KCNQ1: variants seen among roughly 807,000 people sequenced by gnomAD.
The protein encoded by KCNQ1 is potassium voltage-gated channel subfamily Q member 1, also known as potassium voltage-gated channel subfamily KQT member 1.
In KCNQ1, 49 loss-of-function variants were observed where a neutral mutation model predicts 72.4. The ratio of observed to expected loss-of-function variants is 0.68; its 90% confidence interval spans 0.54 to 0.86. The LOEUF is 0.86. KCNQ1 is among the 40% of genes least tolerant of loss of function. The pLI is 0.00. For missense variants in KCNQ1, 790 were observed against 945.1 expected (o/e 0.84, Z 2.15); for synonymous variants, 450 against 412.6 (o/e 1.09, Z -1.10).
chr11:2,523,244 A>G (rs1346238708), intron 1 of KCNQ1, among the ~76,000 whole-genome samples: 1 of 150,656 alleles, frequency 6.6e-6, no homozygotes. Context: ...CCCAGGCTGG[A>G]GTGCAGTGGC....
At chr11:2,570,177 G>T (rs1210501628) in intron 2 of KCNQ1, among the ~76,000 whole-genome samples, 1 of 140,840 alleles carries the variant, frequency 7.1e-6, no homozygotes, top group African/African-American at 3.3e-5. Flanking sequence ...GGTTCCTGGT[G>T]TGGGGCCCCC....
intron 1 of KCNQ1, 75 bp from the exon 2 acceptor site, chr11:2,527,853 G>A (rs1017810931): frequency 8.9e-6 from 12 of 1,350,480 alleles, no homozygotes; most frequent in Middle Eastern, 1.8e-4. Context: ...GAGGCCAGGG[G>A]CCCCTCCACT....
chr11:2,465,025 C>T (rs1251175319), intron 1 of KCNQ1, among the ~76,000 whole-genome samples: 2 of 152,218 alleles, frequency 1.3e-5, no homozygotes, highest in Non-Finnish European at 2.9e-5. Flanking sequence ...TGTTTCCTTT[C>T]CCCCATCTGT....
chr11:2,823,560 G>A (rs1847782323), intron 15 of KCNQ1, among the ~76,000 whole-genome samples: 1 of 152,208 alleles, frequency 6.6e-6, no homozygotes, highest in African/African-American at 2.4e-5. Context: ...CCCAGCAGCT[G>A]GCTCAGGGCT....
chr11:2,761,018 G>T (rs190845963), intron 11 of KCNQ1, among the ~76,000 whole-genome samples: 1 of 152,352 alleles, frequency 6.6e-6, no homozygotes, highest in East Asian at 1.9e-4. Context: ...TACGGCAAGG[G>T]CAGAGGTCTT....
Position 2,698,569 on chromosome 11 carries a change from T to G in KCNQ1, c.1514+36488T>G, listed in dbSNP as rs940048387. ...TTTACTTCGCCCCCTAATTCCTGAC[T>G]CAGAATCCCCACCTAGAGGCAGAAC... On this transcript the variant is annotated intron_variant, in intron 11 of 15. Transcript: ENST00000155840. This position sits in a 1 kb window ranked among gnomAD's most constrained non-coding sequence, Gnocchi z 5.1. 4 of 397,778 alleles carry G rather than the reference T, an allele frequency of 1.0e-5. No homozygotes were observed. Among genetic ancestry groups the G allele is most frequent in the African/African-American group, 2.1e-5 (1 of 48,262 alleles). 24.6% of individuals were successfully genotyped at this position (397,778 alleles called of 1,614,324 possible).
chr11:2,553,169 T>G (rs571925969), intron 2 of KCNQ1, among the ~76,000 whole-genome samples: 283 of 141,454 alleles, frequency 2.0e-3, no homozygotes, highest in African/African-American at 7.2e-3. Context: ...TTTGTTTTTT[T>G]TTTTTTTGTT....
rs1315100672 is a variant in KCNQ1 at position 2,493,403 on chromosome 11, T to C, written c.387-34525T>C. 1.3e-5 allele frequency among the ~76,000 whole-genome samples: 2 copies of C among 152,188 alleles called. No homozygotes were observed. The highest frequency in any genetic ancestry group is 4.8e-5 in the African/African-American group (2 of 41,456). On this transcript the variant is annotated intron_variant, in intron 1 of 15. Coordinates refer to ENST00000155840, the MANE Select transcript of KCNQ1 (RefSeq NM_000218.3). The surrounding 1 kb of genome is among the most constrained non-coding windows in gnomAD (Gnocchi z 5.3). ...GCTTTTGTTGCAATTGCTCTTGGTG[T>C]TTTAGTCATGAAGTCCTTGCCCATG...
rs889308184 is a variant in KCNQ1, at chr11:2,826,623, G to C, written c.1795-21144G>C. Among the ~76,000 whole-genome samples, 2 of 152,210 alleles carry C rather than the reference G, an allele frequency of 1.3e-5. No individual in the cohort carries two copies. The highest frequency in any genetic ancestry group is 4.8e-5 in the African/African-American group (2 of 41,446). ...CCCTGGATTGGCTGTGGCACAAGAGGGCTGGCCCAGCACACCCAGCCCACC... is the reference window on the plus strand; with the variant it reads ...CCCTGGATTGGCTGTGGCACAAGAGCGCTGGCCCAGCACACCCAGCCCACC... On this transcript the variant is annotated intron_variant, in intron 15 of 15. Transcript: ENST00000155840. The surrounding 1 kb of genome is among the most constrained non-coding windows in gnomAD (Gnocchi z 4.2).
chr11:2,786,286 G>C (rs1295809729), intron 15 of KCNQ1, among the ~76,000 whole-genome samples: 1 of 152,084 alleles, frequency 6.6e-6, no homozygotes, highest in Non-Finnish European at 1.5e-5. Context: ...GGCTTCCACT[G>C]TTACCGTTGA....
rs888504278 is a variant in KCNQ1, at chr11:2,735,881, T to G, written c.1515-32963T>G. ...AGGGCTCACCCTTATACCCCCATTCTGCTTTAATTACTTCTTATAAGACCC... is the reference window on the plus strand; with the variant it reads ...AGGGCTCACCCTTATACCCCCATTCGGCTTTAATTACTTCTTATAAGACCC... On this transcript the variant is annotated intron_variant, in intron 11 of 15. Transcript: ENST00000155840. This position sits in a 1 kb window ranked among gnomAD's most constrained non-coding sequence, Gnocchi z 7.7. 6.6e-6 allele frequency among the ~76,000 whole-genome samples: 1 copy of G among 152,212 alleles called. No homozygotes were observed. The highest frequency in any genetic ancestry group is 1.5e-5 in the Non-Finnish European group (1 of 68,040).
In KCNQ1 at chr11:2,678,976, C is replaced by CT. The variant is rs961164022; in HGVS notation, c.1514+16896dup. 2 of 398,416 alleles carry CT rather than the reference C, an allele frequency of 5.0e-6. No individual in the cohort carries two copies. The highest frequency in any genetic ancestry group is 4.1e-5 in the African/African-American group (2 of 48,572). The allele number at this position is 398,416 out of a possible 1,614,324, so 24.7% of individuals were successfully genotyped here. ...ATAGAGAACAAAAGAGCAAATAGGC[C>CT]TAATTCAAGAATTTTTAAAAACCCG... On this transcript the variant is annotated intron_variant, in intron 11 of 15. Coordinates refer to ENST00000155840, the MANE Select transcript of KCNQ1 (RefSeq NM_000218.3). This position sits in a 1 kb window ranked among gnomAD's most constrained non-coding sequence, Gnocchi z 4.9.
chr11:2,500,876 G>C (rs1336262594), intron 1 of KCNQ1, among the ~76,000 whole-genome samples: 1 of 126,792 alleles, frequency 7.9e-6, no homozygotes, highest in Non-Finnish European at 1.7e-5. Flanking sequence ...GTCTGTTGGG[G>C]GGTGGGGGCA....
At chr11:2,701,782 A>G (rs188121383) in intron 11 of KCNQ1, among the ~76,000 whole-genome samples, 138 of 152,234 alleles carry the variant, frequency 9.1e-4, no homozygotes, top group African/African-American at 3.1e-3. Context: ...AGTGACCACT[A>G]TTATTCTCTG....
chr11:2,726,083 C>T (rs978743989), intron 11 of KCNQ1, among the ~76,000 whole-genome samples: 2 of 152,290 alleles, frequency 1.3e-5, no homozygotes, highest in Admixed American at 6.5e-5. Context: ...ACAGAGCCAC[C>T]TCTGCGTGGG....
intron 1 of KCNQ1, among the ~76,000 whole-genome samples, chr11:2,505,197 ATT>A (rs1847083125): frequency 6.6e-6 from 1 of 151,964 alleles, no homozygotes; most frequent in Admixed American, 6.6e-5. Context: ...TTAACTATTT[ATT>A]CTGATGCTCT....
chr11:2,701,032 A>C (rs1176345199), intron 11 of KCNQ1, among the ~76,000 whole-genome samples: 1 of 152,138 alleles, frequency 6.6e-6, no homozygotes, highest in Non-Finnish European at 1.5e-5. Context: ...TGTTCTCGAA[A>C]GTTGTTACAA....
At chr11:2,717,631 T>C (rs1184376980) in intron 11 of KCNQ1, among the ~76,000 whole-genome samples, 7 of 152,192 alleles carry the variant, frequency 4.6e-5, no homozygotes, top group Non-Finnish European at 8.8e-5. Context: ...CCCATCCCCA[T>C]ATTCAGGAAA....
chr11:2,837,595 G>T (rs1848100074), intron 15 of KCNQ1, among the ~76,000 whole-genome samples: 2 of 152,252 alleles, frequency 1.3e-5, no homozygotes, highest in South Asian at 4.1e-4. Context: ...CACACCACCA[G>T]CAGGAACCGG....
Sources: allele counts gnomAD v4.1 joint callset (sites outside exome capture counted in the v4.1 genomes callset), GRCh38; gene constraint gnomAD v4.1.1; non-coding constraint Gnocchi (gnomAD v3.1); transcripts MANE v1.5; gene names NCBI Gene and HGNC (gene_info 2026-07-23, HGNC 2026-07-21).